Variants in SNX29 observed in about 807,000 individuals in gnomAD.
SNX29 encodes sorting nexin-29.
Under a neutral mutation model 102.1 loss-of-function variants are expected in SNX29, and 78 were observed. The observed-to-expected ratio is 0.76, with a 90% CI of 0.64 to 0.92. The LOEUF (loss-of-function observed/expected upper bound fraction) is 0.92. Among genes scored for constraint, SNX29 ranks in the 40% least tolerant of loss-of-function variants. The pLI is 0.00. For missense variants in SNX29, 1,280 were observed against 1,061.7 expected, an observed-to-expected ratio of 1.21 and a Z score of -2.86; for synonymous variants, 580 against 414.5, an observed-to-expected ratio of 1.40 and a Z score of -4.85.
chr16:12,517,630 G>T (rs9889205), intron 19 of SNX29, among the ~76,000 whole-genome samples: 1 of 152,018 alleles, frequency 6.6e-6, no homozygotes, highest in Non-Finnish European at 1.5e-5. Flanking sequence ...ATCTCCAGGC[G>T]CTGTGATAGG....
intron 16 of SNX29, among the ~76,000 whole-genome samples, chr16:12,364,617 A>C (rs2082407803): frequency 6.6e-6 from 1 of 152,192 alleles, no homozygotes; most frequent in Non-Finnish European, 1.5e-5. Context: ...AGGTCAATTA[A>C]AGACACAGCG....
Position 11,976,758 on chromosome 16 carries a change from G to C in SNX29, c.-49G>C. 7.8e-7 allele frequency: 1 copy of C among 1,275,958 alleles called. No homozygotes were observed. Among genetic ancestry groups the C allele is most frequent in the East Asian group, 3.2e-5 (1 of 31,452 alleles). 79.0% of individuals were successfully genotyped at this position (1,275,958 alleles called of 1,614,324 possible). The stretch of plus-strand genomic sequence containing the variant: ...TGTCTGGAGCTCGGCAGCCGCAGAA[G>C]CGGCAGCGGCGGCGGCGCGGCGCAG... On this transcript the variant is annotated 5_prime_UTR_variant, in exon 1 of 21. Transcript: ENST00000566228.
chr16:12,280,257 A>AG (rs2079390103), intron 15 of SNX29, among the ~76,000 whole-genome samples: 1 of 152,218 alleles, frequency 6.6e-6, no homozygotes, highest in Non-Finnish European at 1.5e-5. Flanking sequence ...AGAGTAGATG[A>AG]GGGGAGAAAG....
chr16:12,536,536 A>G (rs1159543838), intron 20 of SNX29, among the ~76,000 whole-genome samples: 2 of 152,196 alleles, frequency 1.3e-5, no homozygotes, highest in Admixed American at 6.5e-5. Flanking sequence ...CCTCTGTAAA[A>G]TGGGACTAAT....
intron 16 of SNX29, among the ~76,000 whole-genome samples, chr16:12,360,191 G>T (rs1243072339): frequency 6.6e-6 from 1 of 152,180 alleles, no homozygotes; most frequent in East Asian, 1.9e-4. Context: ...ATATTCTCCA[G>T]TTAGCTCAAA....
intron 19 of SNX29, among the ~76,000 whole-genome samples, chr16:12,510,082 G>C (rs1454921788): frequency 1.3e-5 from 2 of 152,366 alleles, no homozygotes; most frequent in South Asian, 4.1e-4. Flanking sequence ...CCTGCACTCT[G>C]CCTCCGGGAC....
At chr16:12,503,513 A>G (rs1194452750) in intron 19 of SNX29, among the ~76,000 whole-genome samples, 1 of 152,210 alleles carries the variant, frequency 6.6e-6, no homozygotes, top group African/African-American at 2.4e-5. Flanking sequence ...GGGGATGCCC[A>G]GGGAGTATCA....
intron 18 of SNX29, among the ~76,000 whole-genome samples, chr16:12,407,196 T>G (rs1446061765): frequency 2.6e-5 from 4 of 152,212 alleles, no homozygotes; most frequent in Admixed American, 2.6e-4. Flanking sequence ...CCTTCATGGC[T>G]TCCAGCTCCT....
intron 15 of SNX29, among the ~76,000 whole-genome samples, chr16:12,342,240 G>A (rs2081630966): frequency 6.6e-6 from 1 of 152,206 alleles, no homozygotes; most frequent in African/African-American, 2.4e-5. Flanking sequence ...CCCTCTGCAA[G>A]GGAAGAAAAG....
intron 15 of SNX29, among the ~76,000 whole-genome samples, chr16:12,289,344 G>A (rs893073376): frequency 2.6e-5 from 4 of 152,176 alleles, no homozygotes; most frequent in African/African-American, 9.7e-5. Context: ...GTTACTGTTT[G>A]CATTTGCCTG....
intron 20 of SNX29, among the ~76,000 whole-genome samples, chr16:12,549,286 G>C (rs2077810997): frequency 6.6e-6 from 1 of 152,188 alleles, no homozygotes; most frequent in Admixed American, 6.5e-5. Flanking sequence ...CTCAGGGTCA[G>C]AAGTTGGAAA....
intron 19 of SNX29, among the ~76,000 whole-genome samples, chr16:12,492,446 G>A (rs2088597972): frequency 6.6e-6 from 1 of 152,184 alleles, no homozygotes; most frequent in South Asian, 2.1e-4. Context: ...TGTCAGATGA[G>A]TAGGTTGCAA....
intron 18 of SNX29, among the ~76,000 whole-genome samples, chr16:12,454,699 A>G (rs1205170865): frequency 6.6e-6 from 1 of 151,910 alleles, no homozygotes; most frequent in African/African-American, 2.4e-5. Context: ...TGGAGGAATG[A>G]ATTTATTTAT....
chr16:12,027,633 G>A (rs1298783260), intron 4 of SNX29, 189 bp downstream of exon 4: 4 of 628,960 alleles, frequency 6.4e-6, no homozygotes, highest in Non-Finnish European at 1.0e-5. Context: ...TAATTTAAAT[G>A]AAGTCATCTT....
intron 20 of SNX29, among the ~76,000 whole-genome samples, chr16:12,542,020 C>CGA (rs1393221058): frequency 1.3e-5 from 2 of 151,930 alleles, no homozygotes; most frequent in East Asian, 3.8e-4. Context: ...CAGCACCGCT[C>CGA]TGTTTTTTCT....
chr16:12,564,336 G>C (rs1192340465), intron 20 of SNX29, among the ~76,000 whole-genome samples: 3 of 152,178 alleles, frequency 2.0e-5, no homozygotes, highest in Admixed American at 6.5e-5. Flanking sequence ...CCTTATTTCA[G>C]TCATTTCAGG....
intron 13 of SNX29, among the ~76,000 whole-genome samples, chr16:12,174,023 C>G (rs796287383): frequency 3.3e-5 from 5 of 152,324 alleles, no homozygotes; most frequent in African/African-American, 1.2e-4. Flanking sequence ...TAAGTGGTCC[C>G]CCCCAACCTT....
At chr16:12,058,548 C>T (rs1320484620) in intron 8 of SNX29, among the ~76,000 whole-genome samples, 2 of 127,980 alleles carry the variant, frequency 1.6e-5, no homozygotes, top group East Asian at 2.3e-4. Context: ...GGCTGGAGTG[C>T]AGTGGCGGGA....
intron 10 of SNX29, among the ~76,000 whole-genome samples, chr16:12,071,781 T>C (rs2051312509): frequency 6.6e-6 from 1 of 152,228 alleles, no homozygotes; most frequent in Admixed American, 6.5e-5. Context: ...ATTTTCACGA[T>C]ATTGATTCTT....
Sources: allele counts gnomAD v4.1 joint callset (sites outside exome capture counted in the v4.1 genomes callset), GRCh38; gene constraint gnomAD v4.1.1; transcripts MANE v1.5; gene names NCBI Gene and HGNC (gene_info 2026-07-23, HGNC 2026-07-21).